Variants in UTS2 observed in about 807,000 individuals in gnomAD.
The protein encoded by UTS2 is urotensin-2.
UTS2 carries 10 observed loss-of-function variants against 12.6 expected under a neutral mutation model. The observed-to-expected ratio is 0.80, with a 90% CI of 0.49 to 1.35. The LOEUF (loss-of-function observed/expected upper bound fraction) is 1.35, where lower values mean the gene tolerates loss of function less well. Among genes scored for constraint, UTS2 ranks in the 40% most tolerant of loss-of-function variants. The pLI is 0.00. For synonymous variants in UTS2, 52 were observed against 50.0 expected (o/e 1.04, Z -0.17); for missense variants, 142 against 143.2 (o/e 0.99, Z 0.04).
the UTS2 span, among the ~76,000 whole-genome samples, chr1:7,896,894 C>T: frequency 6.6e-6 from 1 of 151,984 alleles, no homozygotes; most frequent in East Asian, 1.9e-4. Flanking sequence ...GATGGGGTTT[C>T]ACCATGTTGG....
the UTS2 span, among the ~76,000 whole-genome samples, chr1:7,896,426 G>C: frequency 2.6e-5 from 4 of 152,086 alleles, no homozygotes; most frequent in African/African-American, 9.7e-5. Flanking sequence ...TTATAATATT[G>C]AAGTATAAAT....
upstream of UTS2, among the ~76,000 whole-genome samples, chr1:7,858,009 G>C (rs947629755): frequency 6.6e-6 from 1 of 152,122 alleles, no homozygotes; most frequent in South Asian, 2.1e-4. Context: ...TTGAAGACCC[G>C]TGAGGACCAT....
At chr1:7,872,299 C>CAAAAAA in the UTS2 span, among the ~76,000 whole-genome samples, 7 of 65,878 alleles carry the variant, frequency 1.1e-4, no homozygotes, top group Admixed American at 2.7e-4. Flanking sequence ...GACTCTGTCT[C>CAAAAAA]AAAAAAAAAA....
chr1:7,876,846 C>T, the UTS2 span, among the ~76,000 whole-genome samples: 1 of 150,674 alleles, frequency 6.6e-6, no homozygotes. Context: ...TATAAGAACA[C>T]AGCGGCTGGG....
chr1:7,894,662 C>T, the UTS2 span, among the ~76,000 whole-genome samples: 21 of 152,134 alleles, frequency 1.4e-4, no homozygotes, highest in Non-Finnish European at 2.8e-4. Context: ...GGACCCCACC[C>T]TGAATAAACA....
intron 2 of UTS2, 126 bp downstream of exon 2, chr1:7,850,686 A>T: frequency 1.1e-6 from 1 of 922,140 alleles, no homozygotes; most frequent in Non-Finnish European, 1.7e-6. Flanking sequence ...GAGTGTTGGT[A>T]ATTACTTATT....
At chr1:7,894,886 A>G in the UTS2 span, among the ~76,000 whole-genome samples, 3 of 152,110 alleles carry the variant, frequency 2.0e-5, no homozygotes, top group African/African-American at 7.2e-5. Context: ...AGCTCTGATC[A>G]CACCACCGCA....
the UTS2 span, among the ~76,000 whole-genome samples, chr1:7,912,071 T>C: frequency 1.3e-5 from 2 of 152,218 alleles, no homozygotes; most frequent in Admixed American, 1.3e-4. Flanking sequence ...TGATCTGGGT[T>C]TGACAGGCTC....
the UTS2 span, among the ~76,000 whole-genome samples, chr1:7,885,942 C>G: frequency 3.4e-5 from 5 of 148,880 alleles, no homozygotes; most frequent in Admixed American, 2.0e-4. Flanking sequence ...GGTCGGAACC[C>G]TGGGCCTGTG....
chr1:7,871,178 G>A, the UTS2 span, among the ~76,000 whole-genome samples: 1 of 152,350 alleles, frequency 6.6e-6, no homozygotes, highest in Admixed American at 6.5e-5. Flanking sequence ...TGCAGGCAGA[G>A]TGGTCTTATT....
chr1:7,876,850 G>A, the UTS2 span, among the ~76,000 whole-genome samples: 12 of 150,378 alleles, frequency 8.0e-5, no homozygotes, highest in African/African-American at 9.8e-5. Flanking sequence ...AGAACACAGC[G>A]GCTGGGCACG....
intron 1 of UTS2, among the ~76,000 whole-genome samples, chr1:7,851,847 T>C (rs1345901385): frequency 2.6e-5 from 4 of 152,212 alleles, no homozygotes; most frequent in Admixed American, 6.5e-5. Context: ...TTGTGTGAGA[T>C]GCTACACTCA....
chr1:7,893,234 C>T, the UTS2 span, among the ~76,000 whole-genome samples: 13 of 152,142 alleles, frequency 8.5e-5, no homozygotes, highest in African/African-American at 3.1e-4. Flanking sequence ...GGATTTAGGC[C>T]GGGCGCAGTG....
At chr1:7,873,525 A>G in the UTS2 span, among the ~76,000 whole-genome samples, 1 of 152,232 alleles carries the variant, frequency 6.6e-6, no homozygotes, top group African/African-American at 2.4e-5. Context: ...GGAGTTCAAG[A>G]CTTCAGTGGA....
chr1:7,862,993 G>GTATTGTATT, the UTS2 span, among the ~76,000 whole-genome samples: 3 of 19,202 alleles, frequency 1.6e-4, 1 homozygote, highest in African/African-American at 5.3e-4. Context: ...GTGTTGTGTT[G>GTATTGTATT]TATTGTATTG....
the UTS2 span, among the ~76,000 whole-genome samples, chr1:7,867,182 G>T: frequency 6.6e-6 from 1 of 152,040 alleles, no homozygotes; most frequent in African/African-American, 2.4e-5. Context: ...AATTAAGCAA[G>T]TTTAAAACAC....
the UTS2 span, among the ~76,000 whole-genome samples, chr1:7,911,288 C>T: frequency 6.6e-6 from 1 of 152,114 alleles, no homozygotes. Flanking sequence ...ATCAGAAATT[C>T]TAAATTACTT....
chr1:7,860,283 G>T, the UTS2 span, among the ~76,000 whole-genome samples: 1 of 152,258 alleles, frequency 6.6e-6, no homozygotes, highest in South Asian at 2.1e-4. Context: ...TGCAGGAAAC[G>T]TGGAGAGAGC....
intron 3 of UTS2, among the ~76,000 whole-genome samples, chr1:7,848,911 C>CA (rs2097410860): frequency 6.6e-6 from 1 of 152,148 alleles, no homozygotes; most frequent in Non-Finnish European, 1.5e-5. Context: ...GCATGTGAAT[C>CA]ACCTGGGGAT....
Sources: allele counts gnomAD v4.1 joint callset (sites outside exome capture counted in the v4.1 genomes callset), GRCh38; gene constraint gnomAD v4.1.1; transcripts MANE v1.5; gene names NCBI Gene and HGNC (gene_info 2026-07-23, HGNC 2026-07-21).